The following COL28A1 variants were observed in gnomAD, a reference collection of about 807,000 sequenced individuals.
The protein encoded by COL28A1 is collagen alpha-1(XXVIII) chain.
A neutral mutation model predicts 150.2 loss-of-function variants in COL28A1; 161 were observed. The ratio of observed to expected loss-of-function variants is 1.07; its 90% CI spans 0.94 to 1.22. COL28A1 has a LOEUF of 1.22. Among genes scored for constraint, COL28A1 ranks in the 50% most tolerant of loss-of-function variants. The pLI, the probability that COL28A1 is intolerant of heterozygous loss-of-function variation, is 0.00. For synonymous variants in COL28A1, 552 were observed against 469.7 expected, an observed-to-expected ratio of 1.18 and a Z score of -2.26; for missense variants, 1,617 against 1,388.3, an observed-to-expected ratio of 1.16 and a Z score of -2.62.
intron 27 of COL28A1, among the ~76,000 whole-genome samples, chr7:7,385,969 A>G (rs142889768): frequency 1.0e-3 from 152 of 152,324 alleles, no homozygotes; most frequent in African/African-American, 3.5e-3. Flanking sequence ...AGACTTTTCA[A>G]TGTATAAGTC....
intron 27 of COL28A1, among the ~76,000 whole-genome samples, chr7:7,401,260 C>T (rs1042129434): frequency 6.6e-6 from 1 of 152,042 alleles, no homozygotes; most frequent in African/African-American, 2.4e-5. Flanking sequence ...ACCCAGGGCC[C>T]AGTCCTTGGA....
rs766010947 is a variant in COL28A1 at position 7,373,214 on chromosome 7, CTTT to C, written c.2689_2691del (p.Lys897del). The stretch of plus-strand genomic sequence containing the variant: ...TGTCCATCAGTGATGACCAAGGCCA[CTTT>C]TTTTACACCTGGCCTTGCATCTTCA... On this transcript the variant is annotated inframe_deletion, in exon 32 of 35. Coordinates refer to ENST00000399429, the MANE Select transcript of COL28A1 (RefSeq NM_001037763.3). The surrounding 1 kb of genome is among the most constrained non-coding windows in gnomAD (Gnocchi z 4.1). 6.2e-7 allele frequency: 1 copy of C among 1,614,078 alleles called. No individual in the cohort carries two copies. The highest frequency in any genetic ancestry group is 1.3e-5 in the African/African-American group (1 of 74,912).
At chr7:7,396,025 G>T (rs145656936) in intron 27 of COL28A1, among the ~76,000 whole-genome samples, 1 of 152,182 alleles carries the variant, frequency 6.6e-6, no homozygotes. Flanking sequence ...TGGAATCCAC[G>T]AACTACCTTT....
chr7:7,426,290 A>G (rs1484896083), intron 25 of COL28A1, among the ~76,000 whole-genome samples: 2 of 152,246 alleles, frequency 1.3e-5, no homozygotes, highest in African/African-American at 4.8e-5. Flanking sequence ...AAATTAAGAT[A>G]TAACTACTCC....
At chr7:7,423,170 T>C (rs1784469354) in intron 25 of COL28A1, among the ~76,000 whole-genome samples, 1 of 152,348 alleles carries the variant, frequency 6.6e-6, no homozygotes, top group Admixed American at 6.5e-5. Flanking sequence ...GCTAAAGCTT[T>C]ATATGGATGA....
chr7:7,385,297 G>A (rs1011768715), intron 27 of COL28A1, among the ~76,000 whole-genome samples: 12 of 152,112 alleles, frequency 7.9e-5, no homozygotes, highest in Middle Eastern at 3.2e-3. Context: ...GCGTCAGACC[G>A]CTGTACCTAA....
intron 18 of COL28A1, among the ~76,000 whole-genome samples, chr7:7,445,212 G>C (rs1487291104): frequency 6.6e-6 from 1 of 152,176 alleles, no homozygotes; most frequent in African/African-American, 2.4e-5. Context: ...AAAGCAATGA[G>C]AGAATGGACT....
chr7:7,524,705 T>C (rs1417354038), intron 3 of COL28A1, among the ~76,000 whole-genome samples: 1 of 152,160 alleles, frequency 6.6e-6, no homozygotes, highest in African/African-American at 2.4e-5. Flanking sequence ...ATTAAAACAA[T>C]ATAGTCATAA....
At chr7:7,477,753 C>G (rs1047140653) in intron 13 of COL28A1, among the ~76,000 whole-genome samples, 1 of 152,186 alleles carries the variant, frequency 6.6e-6, no homozygotes, top group Non-Finnish European at 1.5e-5. Flanking sequence ...AGCAAAAGAA[C>G]AAAGCTTCCA....
the COL28A1 span, among the ~76,000 whole-genome samples, chr7:7,344,379 T>A: frequency 1.3e-5 from 2 of 151,768 alleles, no homozygotes; most frequent in Admixed American, 1.3e-4. Flanking sequence ...AATCCTCTAA[T>A]GGCTTTTTAG....
chr7:7,427,443 T>C (rs1279715167), intron 25 of COL28A1, among the ~76,000 whole-genome samples: 1 of 152,204 alleles, frequency 6.6e-6, no homozygotes, highest in East Asian at 1.9e-4. Context: ...CCCTCCTTGT[T>C]GGGCACTGTT....
chr7:7,447,463 C>T (rs962756671), intron 18 of COL28A1, among the ~76,000 whole-genome samples: 3 of 151,088 alleles, frequency 2.0e-5, no homozygotes, highest in African/African-American at 7.3e-5. Flanking sequence ...AAAAAATAGG[C>T]GTTCAAAAAG....
intron 8 of COL28A1, chr7:7,511,684 C>T (rs1415454269): frequency 1.5e-5 from 7 of 465,272 alleles, no homozygotes; most frequent in Admixed American, 9.6e-5. Context: ...CCTGGAGAAC[C>T]GTGAGAGAAA....
chr7:7,463,382 C>G (rs1379854856), intron 15 of COL28A1, among the ~76,000 whole-genome samples: 1 of 151,958 alleles, frequency 6.6e-6, no homozygotes, highest in East Asian at 1.9e-4. Context: ...CTACAAAAAC[C>G]CTAGAGCAGA....
chr7:7,526,138 C>T (rs763536776), intron 3 of COL28A1, among the ~76,000 whole-genome samples: 2 of 152,230 alleles, frequency 1.3e-5, no homozygotes, highest in Non-Finnish European at 2.9e-5. Flanking sequence ...GAAGATGGAC[C>T]TGCTTTATCA....
At position 7,375,824 on chromosome 7, in the gene COL28A1, C is replaced by T. The variant is rs1242724252; in HGVS notation, c.2323-327G>A. Reference sequence around the variant, plus strand: ...TATGGATTAATCAATGTTATGCACACATTAGCACAGGGTCTGGCAACTTTA... The same window carrying T: ...TATGGATTAATCAATGTTATGCACATATTAGCACAGGGTCTGGCAACTTTA... On this transcript the variant is annotated intron_variant, in intron 30 of 34. Transcript: ENST00000399429. 2.0e-5 allele frequency among the ~76,000 whole-genome samples: 3 copies of T among 152,292 alleles called. No individual in the cohort carries two copies. The East Asian group carries it at 5.8e-4, about 29-fold the overall frequency.
At position 7,373,646 on chromosome 7, in the gene COL28A1, C is replaced by G; in HGVS notation, c.2360-100G>C. 1.2e-6 allele frequency: 1 copy of G among 868,320 alleles called. No homozygotes were observed. The highest frequency in any genetic ancestry group is 1.8e-6 in the Non-Finnish European group (1 of 560,900). 53.8% of individuals were successfully genotyped at this position (868,320 alleles called of 1,614,324 possible). ...GTCAATGATGAACCTGAGACCTAAA[C>G]TATTCTCTTCCTTTTCTGTGATTGT... On this transcript the variant is annotated intron_variant, in intron 31 of 34. Coordinates refer to ENST00000399429, the MANE Select transcript of COL28A1 (RefSeq NM_001037763.3). This position sits in a 1 kb window ranked among gnomAD's most constrained non-coding sequence, Gnocchi z 4.1.
intron 13 of COL28A1, among the ~76,000 whole-genome samples, chr7:7,478,166 G>C (rs1417066842): frequency 6.6e-6 from 1 of 152,076 alleles, no homozygotes; most frequent in Non-Finnish European, 1.5e-5. Context: ...GTGCCGACTG[G>C]TGCATTCACA....
intron 33 of COL28A1, among the ~76,000 whole-genome samples, chr7:7,365,379 G>C (rs1339969386): frequency 6.6e-6 from 1 of 152,126 alleles, no homozygotes; most frequent in African/African-American, 2.4e-5. Flanking sequence ...CATAGTAAAA[G>C]GCACAAATGA....
Sources: gnomAD v4.1 joint callset for allele counts (sites outside exome capture counted in the v4.1 genomes callset) on GRCh38, gnomAD v4.1.1 for gene constraint, Gnocchi (gnomAD v3.1) non-coding constraint, MANE v1.5 for transcripts, NCBI Gene and HGNC (gene_info 2026-07-23, HGNC 2026-07-21) for gene names.